RIN2: variants seen among roughly 807,000 people sequenced by gnomAD.
The protein encoded by RIN2 is RAB5 interacting protein 2.
RIN2 carries 36 observed loss-of-function variants against 78.0 expected under a neutral mutation model. The ratio of observed to expected loss-of-function variants is 0.46; its 90% confidence interval spans 0.35 to 0.61. The LOEUF is 0.61. RIN2 is among the 20% of genes least tolerant of loss of function. The pLI is 0.00. For missense variants in RIN2, 1,087 were observed against 1,159.7 expected (o/e 0.94, Z 0.91); for synonymous variants, 466 against 466.8 (o/e 1.00, Z 0.02).
At chr20:19,995,472 T>C (rs2042931369) in intron 11 of RIN2, among the ~76,000 whole-genome samples, 2 of 152,196 alleles carry the variant, frequency 1.3e-5, no homozygotes, top group African/African-American at 2.4e-5. Flanking sequence ...CTAGTGGCTC[T>C]TCAGCGCAGA....
At chr20:19,774,128 A>T (rs1600419645) in intron 1 of RIN2, among the ~76,000 whole-genome samples, 1 of 151,924 alleles carries the variant, frequency 6.6e-6, no homozygotes, top group Non-Finnish European at 1.5e-5. Flanking sequence ...CCTCTCTTTT[A>T]TCTCACAGGG....
chr20:19,975,358 G>A lies in RIN2; in HGVS notation c.1333G>A (p.Asp445Asn), dbSNP rs375067930. Reference sequence around the variant, plus strand: ...TTCCTCCTCCGACTCGCTGGAGTTCGACCGGAGCATGCCTCTGTTTGGCTA... The same window carrying A: ...TTCCTCCTCCGACTCGCTGGAGTTCAACCGGAGCATGCCTCTGTTTGGCTA... ...STSSSDSLEF[D>N]RSMPLFGYEA... The change falls in exon 9 of 13, where the codon GAC becomes AAC. Residue 445 changes from aspartate (D) to asparagine (N), a missense_variant. Physicochemically the swap from Asp to Asn is conservative, Grantham distance 23. This residue lies in a region of RIN2 where 706 missense variants were observed against 667.5 expected (regional missense o/e 1.06). Transcript: ENST00000255006. The surrounding 1 kb of genome is among the most constrained non-coding windows in gnomAD (Gnocchi z 4.9). 1.5e-5 allele frequency: 25 copies of A among 1,613,542 alleles called. No individual in the cohort carries two copies. Among genetic ancestry groups the A allele is most frequent in the Non-Finnish European group, 2.1e-5 (25 of 1,179,750 alleles).
chr20:19,925,804 G>A (rs933592565), intron 3 of RIN2, among the ~76,000 whole-genome samples: 15 of 152,188 alleles, frequency 9.9e-5, no homozygotes, highest in South Asian at 2.1e-4. Flanking sequence ...ACAGCCACCC[G>A]GGGAGCAATG....
chr20:19,880,800 C>T lies in RIN2; in HGVS notation c.-36-8766C>T, dbSNP rs1486166839. On this transcript the variant is annotated intron_variant, in intron 2 of 12. Transcript: ENST00000255006. ...GCAGCACGTAAGGTATTAAAGACACCACTGTGAACAAGCAGATGAGATCTC... is the reference window on the plus strand; with the variant it reads ...GCAGCACGTAAGGTATTAAAGACACTACTGTGAACAAGCAGATGAGATCTC... Among the ~76,000 whole-genome samples, 7 of 152,070 alleles carry T rather than the reference C, an allele frequency of 4.6e-5. No individual in the cohort carries two copies. The South Asian group carries it at 1.2e-3, about 27-fold the overall frequency.
chr20:19,833,471 A>G (rs999313482), intron 2 of RIN2, among the ~76,000 whole-genome samples: 7 of 151,956 alleles, frequency 4.6e-5, no homozygotes, highest in Non-Finnish European at 1.0e-4. Context: ...TCCACATAAA[A>G]CCTATATTTT....
chr20:19,965,959 GCTTT>G (rs546232455), intron 7 of RIN2, among the ~76,000 whole-genome samples: 44 of 152,266 alleles, frequency 2.9e-4, no homozygotes, highest in African/African-American at 8.9e-4. Context: ...ATTGTGAAAG[GCTTT>G]CTTTCTTTCT....
intron 2 of RIN2, among the ~76,000 whole-genome samples, chr20:19,800,876 G>T (rs1309063214): frequency 6.6e-6 from 1 of 152,188 alleles, no homozygotes; most frequent in Non-Finnish European, 1.5e-5. Flanking sequence ...GAGATGAACT[G>T]ACTTACCTAA....
intron 2 of RIN2, among the ~76,000 whole-genome samples, chr20:19,885,027 G>A (rs889064593): frequency 6.6e-6 from 1 of 152,112 alleles, no homozygotes; most frequent in Non-Finnish European, 1.5e-5. Context: ...CTCATTTAAC[G>A]GCTAGAAAGA....
chr20:19,957,680 C>A (rs417966), intron 5 of RIN2, among the ~76,000 whole-genome samples: 43,388 of 146,988 alleles, frequency 0.3, 6,444 homozygotes, highest in East Asian at 0.46. Context: ...CTGTCCCCCC[C>A]AAAAAAAAAA....
intron 6 of RIN2, among the ~76,000 whole-genome samples, chr20:19,963,486 G>A (rs1600965878): frequency 6.6e-6 from 1 of 151,862 alleles, no homozygotes; most frequent in African/African-American, 2.4e-5. Context: ...GTACATGCCT[G>A]TAATCCCAGC....
chr20:19,944,630 A>C (rs1055888032), intron 4 of RIN2, among the ~76,000 whole-genome samples: 2 of 152,194 alleles, frequency 1.3e-5, no homozygotes, highest in Non-Finnish European at 2.9e-5. Context: ...GCTGAAGGGA[A>C]GCTCCTGGAG....
chr20:19,784,320 A>ATGTGTGTGTGTGTGTGTATG lies in RIN2; in HGVS notation c.-162-15287_-162-15286insGTATGTGTGTGTGTGTGTGT, dbSNP rs60892991. 3.3e-5 allele frequency among the ~76,000 whole-genome samples: 5 copies of ATGTGTGTGTGTGTGTGTATG among 149,424 alleles called. No individual in the cohort carries two copies. The South Asian group carries it at 1.0e-3, about 31-fold the overall frequency. ...TGGTCAGAAAGGAATTTAAACAATT[A>ATGTGTGTGTGTGTGTGTATG]TGTGTGTGTGTGTGTATGTGTGTGT... On this transcript the variant is annotated intron_variant, in intron 1 of 12. Coordinates refer to ENST00000255006, the MANE Select transcript of RIN2 (RefSeq NM_018993.4).
intron 2 of RIN2, among the ~76,000 whole-genome samples, chr20:19,806,063 G>A (rs1347639965): frequency 6.6e-6 from 1 of 152,064 alleles, no homozygotes; most frequent in Admixed American, 6.6e-5. Context: ...CTTCTTTATG[G>A]CTGCATAGTA....
At chr20:19,941,843 G>A (rs988448200) in intron 4 of RIN2, among the ~76,000 whole-genome samples, 3 of 151,996 alleles carry the variant, frequency 2.0e-5, no homozygotes, top group African/African-American at 7.3e-5. Context: ...AGCCGGGCAG[G>A]GTGACTCACA....
At chr20:19,860,344 C>T (rs1013768208) in intron 2 of RIN2, among the ~76,000 whole-genome samples, 3 of 117,936 alleles carry the variant, frequency 2.5e-5, no homozygotes, top group South Asian at 2.4e-4. Flanking sequence ...TTTTCTGAGA[C>T]GGAGTCTCAC....
At chr20:19,770,444 C>T (rs1014571461) in intron 1 of RIN2, among the ~76,000 whole-genome samples, 1 of 152,188 alleles carries the variant, frequency 6.6e-6, no homozygotes, top group African/African-American at 2.4e-5. Context: ...AGAAAGCCCT[C>T]TGACCCTTAA....
At chr20:19,881,381 G>T (rs927426948) in intron 2 of RIN2, among the ~76,000 whole-genome samples, 1 of 152,166 alleles carries the variant, frequency 6.6e-6, no homozygotes, top group East Asian at 1.9e-4. Context: ...TAAACACCCT[G>T]ATGGTGAAGG....
chr20:19,841,902 T>C (rs1228433583), intron 2 of RIN2, among the ~76,000 whole-genome samples: 1 of 152,244 alleles, frequency 6.6e-6, no homozygotes, highest in Admixed American at 6.5e-5. Flanking sequence ...AGATAATTGA[T>C]AATTGCAACT....
intron 2 of RIN2, among the ~76,000 whole-genome samples, chr20:19,853,591 G>C (rs2037062887): frequency 6.6e-6 from 1 of 152,160 alleles, no homozygotes; most frequent in South Asian, 2.1e-4. Context: ...GGCATGAGAT[G>C]GTATCTCATT....
Sources: gnomAD v4.1 joint callset for allele counts (sites outside exome capture counted in the v4.1 genomes callset) on GRCh38, gnomAD v4.1.1 for gene constraint, gnomAD v4.1.1 regional missense constraint, Gnocchi (gnomAD v3.1) non-coding constraint, MANE v1.5 for transcripts, NCBI Gene and HGNC (gene_info 2026-07-23, HGNC 2026-07-21) for gene names.